The following CDK14 variants were observed in gnomAD, a reference collection of about 807,000 sequenced individuals.
The protein encoded by CDK14 is cyclin dependent kinase 14.
A neutral mutation model predicts 60.7 loss-of-function variants in CDK14; 34 were observed. The observed-to-expected ratio is 0.56, with a 90% CI of 0.43 to 0.75. CDK14 has a LOEUF of 0.75. CDK14 is among the 30% of genes least tolerant of loss of function. The pLI, the probability that CDK14 is intolerant of heterozygous loss-of-function variation, is 0.00. For missense variants in CDK14, 482 were observed against 564.1 expected (o/e 0.85, Z 1.47); for synonymous variants, 197 against 203.7 (o/e 0.97, Z 0.28).
chr7:90,936,496 C>T (rs1793756756), intron 8 of CDK14, among the ~76,000 whole-genome samples: 1 of 152,140 alleles, frequency 6.6e-6, no homozygotes, highest in Admixed American at 6.5e-5. Context: ...GTCTAGAAAG[C>T]TAAGTGGTCT....
At position 90,852,393 on chromosome 7, in the gene CDK14, T is replaced by C. The variant is rs539928773; in HGVS notation, c.545-10782T>C. Among the ~76,000 whole-genome samples, 4 of 152,342 alleles carry C rather than the reference T, an allele frequency of 2.6e-5. No homozygotes were observed. The East Asian group carries it at 5.8e-4, about 22-fold the overall frequency. On this transcript the variant is annotated intron_variant, in intron 5 of 14. Coordinates refer to ENST00000380050, the MANE Select transcript of CDK14 (RefSeq NM_001287135.2). ...ATGCTGAACACTTGCGATAAGTCACTCTACCCTTTATAGGTATGTATTCCT... is the reference window on the plus strand; with the variant it reads ...ATGCTGAACACTTGCGATAAGTCACCCTACCCTTTATAGGTATGTATTCCT...
intron 10 of CDK14, among the ~76,000 whole-genome samples, chr7:90,992,739 A>T (rs1795576158): frequency 6.6e-6 from 1 of 152,212 alleles, no homozygotes; most frequent in South Asian, 2.1e-4. Flanking sequence ...GAGAATTCTC[A>T]TGCCTGCATA....
At chr7:91,099,339 AT>A (rs1304423002) in intron 12 of CDK14, among the ~76,000 whole-genome samples, 1 of 152,146 alleles carries the variant, frequency 6.6e-6, no homozygotes, top group Non-Finnish European at 1.5e-5. Flanking sequence ...CATAGACTGA[AT>A]TTTTGGATAA....
intron 11 of CDK14, 56 bp downstream of exon 11, chr7:91,046,016 T>A: frequency 8.5e-7 from 1 of 1,170,500 alleles, no homozygotes; most frequent in Non-Finnish European, 1.3e-6. Flanking sequence ...AAGGTGAGTA[T>A]ATAAATGTTC....
At chr7:90,984,744 T>A (rs1795328987) in intron 10 of CDK14, among the ~76,000 whole-genome samples, 1 of 152,194 alleles carries the variant, frequency 6.6e-6, no homozygotes, top group Non-Finnish European at 1.5e-5. Flanking sequence ...GCTGTACCCT[T>A]GATATGATGT....
chr7:90,730,696 T>G (rs1476640434), intron 3 of CDK14, among the ~76,000 whole-genome samples: 12 of 152,014 alleles, frequency 7.9e-5, no homozygotes, highest in African/African-American at 2.9e-4. Context: ...CTTTTTGATG[T>G]TGTTTTCTTT....
chr7:91,189,213 A>G (rs746231228), intron 14 of CDK14, among the ~76,000 whole-genome samples: 6 of 152,200 alleles, frequency 3.9e-5, no homozygotes, highest in Non-Finnish European at 8.8e-5. Context: ...GCATTAAATA[A>G]TGCTCATCAA....
chr7:91,162,100 G>T (rs531693283), intron 14 of CDK14, among the ~76,000 whole-genome samples: 1 of 152,180 alleles, frequency 6.6e-6, no homozygotes, highest in Non-Finnish European at 1.5e-5. Flanking sequence ...ACATAAAAGT[G>T]TACAGTCACT....
At chr7:90,814,220 G>T (rs1415326656) in intron 5 of CDK14, among the ~76,000 whole-genome samples, 1 of 151,808 alleles carries the variant, frequency 6.6e-6, no homozygotes. Flanking sequence ...GAGTGAGATA[G>T]AAATCGTGGG....
intron 12 of CDK14, among the ~76,000 whole-genome samples, chr7:91,111,820 A>G (rs1799476369): frequency 6.6e-6 from 1 of 152,224 alleles, no homozygotes; most frequent in South Asian, 2.1e-4. Flanking sequence ...TAGAGGTTCC[A>G]TGAAAAGCAA....
chr7:90,726,188 C>A, intron 2 of CDK14: 1 of 288,594 alleles, frequency 3.5e-6, no homozygotes, highest in Non-Finnish European at 5.2e-6. Context: ...ATCTGATTTG[C>A]CTATTTTTTG....
At chr7:90,684,724 T>C (rs999148767) in intron 2 of CDK14, among the ~76,000 whole-genome samples, 4 of 152,124 alleles carry the variant, frequency 2.6e-5, no homozygotes, top group Non-Finnish European at 5.9e-5. Context: ...AGAATTTGGG[T>C]ACATATTTTA....
intron 14 of CDK14, among the ~76,000 whole-genome samples, chr7:91,172,881 T>C (rs1801572099): frequency 6.6e-6 from 1 of 152,190 alleles, no homozygotes; most frequent in African/African-American, 2.4e-5. Flanking sequence ...TAATTATATG[T>C]CTCCCCCATG....
intron 11 of CDK14, among the ~76,000 whole-genome samples, chr7:91,059,001 C>T (rs940279649): frequency 6.6e-6 from 1 of 152,172 alleles, no homozygotes; most frequent in African/African-American, 2.4e-5. Flanking sequence ...CCTTGTACCT[C>T]TGGTAGAATT....
At chr7:90,958,412 G>A (rs183830042) in intron 9 of CDK14, among the ~76,000 whole-genome samples, 7 of 152,198 alleles carry the variant, frequency 4.6e-5, no homozygotes, top group East Asian at 3.9e-4. Context: ...GTAACATCTT[G>A]TAATAAATCT....
intron 5 of CDK14, among the ~76,000 whole-genome samples, chr7:90,853,268 GA>G (rs1483160100): frequency 1.3e-5 from 2 of 152,066 alleles, no homozygotes; most frequent in Middle Eastern, 3.2e-3. Context: ...CTTTTCAACT[GA>G]ACGGGAAAAA....
chr7:91,007,116 C>T (rs907761634), intron 10 of CDK14, among the ~76,000 whole-genome samples: 1 of 152,070 alleles, frequency 6.6e-6, no homozygotes, highest in African/African-American at 2.4e-5. Flanking sequence ...AAATAATGCT[C>T]CAGAACTCTT....
At chr7:90,955,249 T>A (rs938164106) in intron 8 of CDK14, among the ~76,000 whole-genome samples, 1 of 152,160 alleles carries the variant, frequency 6.6e-6, no homozygotes, top group Non-Finnish European at 1.5e-5. Flanking sequence ...TACTCTCCTC[T>A]TGCAGATTCA....
chr7:90,672,744 G>A (rs1801122926), intron 2 of CDK14, among the ~76,000 whole-genome samples: 1 of 151,748 alleles, frequency 6.6e-6, no homozygotes, highest in Non-Finnish European at 1.5e-5. Context: ...GGTTGGCCTT[G>A]AACTCCTGGG....
Sources: gnomAD v4.1 joint callset for allele counts (sites outside exome capture counted in the v4.1 genomes callset) on GRCh38, gnomAD v4.1.1 for gene constraint, MANE v1.5 for transcripts, NCBI Gene and HGNC (gene_info 2026-07-23, HGNC 2026-07-21) for gene names.